GALNT17: variants seen among roughly 807,000 people sequenced by gnomAD.
GALNT17 encodes the protein UDP-GalNAc:polypeptide N-acetylgalactosaminyltransferase-like 3.
A neutral mutation model predicts 63.7 loss-of-function variants in GALNT17; 29 were observed. The observed-to-expected ratio is 0.46, with a 90% CI of 0.34 to 0.62. The LOEUF (loss-of-function observed/expected upper bound fraction) is 0.62, where lower values mean the gene tolerates loss of function less well. GALNT17 is among the 20% of genes least tolerant of loss of function. The pLI, the probability that GALNT17 is intolerant of heterozygous loss-of-function variation, is 0.01. For synonymous variants in GALNT17, 305 were observed against 318.3 expected (o/e 0.96, Z 0.45); for missense variants, 603 against 799.6 (o/e 0.75, Z 2.97).
chr7:71,415,756 C>T, intron 3 of GALNT17, 133 bp from the exon 4 acceptor site: 1 of 994,848 alleles, frequency 1.0e-6, no homozygotes, highest in African/African-American at 1.6e-5. Context: ...ATTTTCTTTT[C>T]TGCCAGAATT....
chr7:71,544,891 T>G (rs963639368), intron 5 of GALNT17, among the ~76,000 whole-genome samples: 2 of 151,198 alleles, frequency 1.3e-5, no homozygotes, highest in Non-Finnish European at 2.9e-5. Flanking sequence ...ATTTAATACC[T>G]GCACCCCCAT....
At chr7:71,161,802 A>G (rs1788346257) in intron 1 of GALNT17, among the ~76,000 whole-genome samples, 1 of 152,110 alleles carries the variant, frequency 6.6e-6, no homozygotes, top group East Asian at 1.9e-4. Flanking sequence ...TGGGCCCTCA[A>G]CTGTTACATG....
chr7:71,132,919 C>A lies in GALNT17; in HGVS notation c.117C>A (p.Phe39Leu). 1 of 1,612,248 alleles carries A rather than the reference C, an allele frequency of 6.2e-7. No homozygotes were observed. Among genetic ancestry groups the A allele is most frequent in the Non-Finnish European group, 8.5e-7 (1 of 1,179,588 alleles). ...TCGCGGTGCGCAGCGGAGACGCCTT[C>A]CACGAGATCCGGCCGCGCGCCGAGG... Reference protein sequence around the residue: ...RPIAVRSGDAFHEIRPRAEVA... With the variant: ...RPIAVRSGDALHEIRPRAEVA... Residue 39 changes from phenylalanine (F) to leucine (L), a missense_variant, in exon 1 of 11, where the codon TTC (phenylalanine) becomes TTA (leucine). Coordinates refer to ENST00000333538, the MANE Select transcript of GALNT17 (RefSeq NM_022479.3).
At chr7:71,426,911 C>T (rs550500479) in intron 5 of GALNT17, among the ~76,000 whole-genome samples, 77 of 151,386 alleles carry the variant, frequency 5.1e-4, no homozygotes, top group Non-Finnish European at 7.2e-4. Context: ...CAGAGCAAGA[C>T]TCCAGACTCC....
chr7:71,694,427 G>A (rs779271632), intron 9 of GALNT17, among the ~76,000 whole-genome samples: 41 of 143,228 alleles, frequency 2.9e-4, no homozygotes, highest in South Asian at 6.5e-4. Context: ...GCACAATCTC[G>A]GCTCACTGCA....
intron 1 of GALNT17, among the ~76,000 whole-genome samples, chr7:71,331,740 A>C (rs1004967337): frequency 2.0e-5 from 3 of 152,112 alleles, no homozygotes; most frequent in Non-Finnish European, 4.4e-5. Flanking sequence ...ACGTTCCTAC[A>C]TTCTCAGACC....
intron 1 of GALNT17, among the ~76,000 whole-genome samples, chr7:71,149,236 A>G (rs901266679): frequency 3.9e-5 from 6 of 152,146 alleles, no homozygotes; most frequent in African/African-American, 7.2e-5. Flanking sequence ...AGCTATTTCT[A>G]TTGAACATCA....
At chr7:71,473,104 T>C (rs561193729) in intron 5 of GALNT17, among the ~76,000 whole-genome samples, 2 of 152,268 alleles carry the variant, frequency 1.3e-5, no homozygotes, top group Admixed American at 6.5e-5. Context: ...TATGAGGCCA[T>C]TGGTGAATTC....
chr7:71,433,571 A>G (rs1397878821), intron 5 of GALNT17, among the ~76,000 whole-genome samples: 1 of 152,208 alleles, frequency 6.6e-6, no homozygotes, highest in Non-Finnish European at 1.5e-5. Context: ...CTTCAACAAG[A>G]TGAAGACAGA....
intron 3 of GALNT17, among the ~76,000 whole-genome samples, chr7:71,398,831 C>G (rs554765086): frequency 3.3e-5 from 5 of 152,214 alleles, no homozygotes; most frequent in Admixed American, 2.6e-4. Flanking sequence ...TAGTAAATTT[C>G]ATGTTATGTC....
chr7:71,698,087 C>T (rs947754679), intron 9 of GALNT17, among the ~76,000 whole-genome samples: 1 of 141,328 alleles, frequency 7.1e-6, no homozygotes, highest in Non-Finnish European at 1.5e-5. Flanking sequence ...CACGCCACTG[C>T]ACTCCAGCCT....
At chr7:71,445,330 C>T (rs139295324) in intron 5 of GALNT17, among the ~76,000 whole-genome samples, 6 of 151,706 alleles carry the variant, frequency 4.0e-5, no homozygotes, top group African/African-American at 7.2e-5. Context: ...AGGTGCTCAC[C>T]ACCACGCCCG....
In GALNT17 at chr7:71,133,648, G is replaced by A. The variant is rs987313356; in HGVS notation, c.238+608G>A. ...GCGGAGGGGCGATTGTTAAAGCTCA[G>A]GGTGGGCCTGCGAAGTTTCCAGAAT... On this transcript the variant is annotated intron_variant, in intron 1 of 10. Coordinates refer to ENST00000333538, the MANE Select transcript of GALNT17 (RefSeq NM_022479.3). Among the ~76,000 whole-genome samples, 3 of 152,194 alleles carry A rather than the reference G, an allele frequency of 2.0e-5. No individual in the cohort carries two copies. In the East Asian group the frequency reaches 5.8e-4, roughly 29 times the overall value.
chr7:71,493,873 TTCTC>T (rs147721383), intron 5 of GALNT17, among the ~76,000 whole-genome samples: 214 of 152,336 alleles, frequency 1.4e-3, no homozygotes, highest in African/African-American at 4.8e-3. Flanking sequence ...TATGTTCTCT[TTCTC>T]TCTCTAATAA....
chr7:71,144,653 G>T (rs1787980807), intron 1 of GALNT17, among the ~76,000 whole-genome samples: 1 of 152,066 alleles, frequency 6.6e-6, no homozygotes, highest in African/African-American at 2.4e-5. Flanking sequence ...GGCAGAGAAA[G>T]AGTTTAATGA....
chr7:71,587,537 ATG>A (rs1357198816), intron 6 of GALNT17, among the ~76,000 whole-genome samples: 2 of 152,056 alleles, frequency 1.3e-5, no homozygotes, highest in African/African-American at 4.8e-5. Context: ...GATATGTACT[ATG>A]TGAATATTTT....
At chr7:71,636,829 G>A (rs894899705) in intron 6 of GALNT17, among the ~76,000 whole-genome samples, 18 of 152,236 alleles carry the variant, frequency 1.2e-4, no homozygotes, top group Non-Finnish European at 1.5e-4. Flanking sequence ...TGTGAGTGCA[G>A]TGATAGGTCA....
At chr7:71,377,072 C>T (rs1350035093) in intron 2 of GALNT17, among the ~76,000 whole-genome samples, 13 of 109,600 alleles carry the variant, frequency 1.2e-4, no homozygotes, top group African/African-American at 4.2e-4. Flanking sequence ...GGCAACAGAG[C>T]GATATTCCAT....
In GALNT17 at chr7:71,133,049, G is replaced by T; in HGVS notation, c.238+9G>T. ...GTACCGGCAGCTGAATGGTAAGGAC[G>T]CACGCCGGCGCCTCCGGGGCTCGAC... On this transcript the variant is annotated intron_variant, in intron 1 of 10. Transcript: ENST00000333538. 6.5e-7 allele frequency: 1 copy of T among 1,538,568 alleles called. No individual in the cohort carries two copies. The highest frequency in any genetic ancestry group is 8.7e-7 in the Non-Finnish European group (1 of 1,146,228).
Sources: allele counts gnomAD v4.1 joint callset (sites outside exome capture counted in the v4.1 genomes callset), GRCh38; gene constraint gnomAD v4.1.1; transcripts MANE v1.5; gene names NCBI Gene and HGNC (gene_info 2026-07-23, HGNC 2026-07-21).